The following SCHIP1 variants were observed in gnomAD, a reference collection of about 807,000 sequenced individuals.
The protein encoded by SCHIP1 is schwannomin-interacting protein 1.
In SCHIP1, 8 loss-of-function variants were observed where a neutral mutation model predicts 29.7. The ratio of observed to expected loss-of-function variants is 0.27; its 90% CI spans 0.16 to 0.49. The LOEUF (loss-of-function observed/expected upper bound fraction) is 0.49, where lower values mean the gene tolerates loss of function less well. Among genes scored for constraint, SCHIP1 ranks in the 20% least tolerant of loss-of-function variants. The pLI is 0.99. For missense variants in SCHIP1, 193 were observed against 294.6 expected, an observed-to-expected ratio of 0.66 and a Z score of 2.52; for synonymous variants, 76 against 94.9, an observed-to-expected ratio of 0.80 and a Z score of 1.16.
At chr3:159,865,349 A>G (rs758622736) in intron 1 of SCHIP1, among the ~76,000 whole-genome samples, 1 of 152,194 alleles carries the variant, frequency 6.6e-6, no homozygotes, top group Non-Finnish European at 1.5e-5. Flanking sequence ...TAAAGGGTTT[A>G]AAAGTTCAGC....
At chr3:159,364,064 T>C in the SCHIP1 span, among the ~76,000 whole-genome samples, 1 of 152,214 alleles carries the variant, frequency 6.6e-6, no homozygotes, top group South Asian at 2.1e-4. Flanking sequence ...GTTCCAATAA[T>C]GTAATAATAG....
At chr3:159,456,910 C>A in the SCHIP1 span, among the ~76,000 whole-genome samples, 1 of 152,082 alleles carries the variant, frequency 6.6e-6, no homozygotes. Context: ...TAGAAGCACA[C>A]AATATCAGGA....
the SCHIP1 span, among the ~76,000 whole-genome samples, chr3:159,539,654 C>A: frequency 8.8e-5 from 12 of 135,808 alleles, 3 homozygotes; most frequent in Non-Finnish European, 1.7e-5. Flanking sequence ...ACCACGTGAG[C>A]ATGACTCAGT....
chr3:159,764,808 G>C, the SCHIP1 span: 1 of 1,578,944 alleles, frequency 6.3e-7, no homozygotes, highest in South Asian at 1.2e-5. This position sits in a 1 kb window ranked among gnomAD's most constrained non-coding sequence, Gnocchi z 6.1. Flanking sequence ...CCACCGCCAT[G>C]CCGCCCCCGG....
the SCHIP1 span, among the ~76,000 whole-genome samples, chr3:159,279,780 G>C: frequency 6.6e-6 from 1 of 152,146 alleles, no homozygotes; most frequent in African/African-American, 2.4e-5. Flanking sequence ...TGACAGGAAG[G>C]CTAGAGAATC....
chr3:159,782,600 CCCA>C, the SCHIP1 span, among the ~76,000 whole-genome samples: 1,031 of 152,174 alleles, frequency 6.8e-3, 9 homozygotes, highest in African/African-American at 0.024. Flanking sequence ...CTTGAATGTT[CCCA>C]CCACCACTCT....
the SCHIP1 span, among the ~76,000 whole-genome samples, chr3:159,534,831 A>G: frequency 4.6e-5 from 7 of 152,194 alleles, no homozygotes; most frequent in African/African-American, 1.7e-4. Flanking sequence ...AATTTGGGAT[A>G]TGAAGAAAAT....
At chr3:159,628,543 A>G in the SCHIP1 span, among the ~76,000 whole-genome samples, 2 of 152,212 alleles carry the variant, frequency 1.3e-5, no homozygotes, top group Non-Finnish European at 2.9e-5. Context: ...AAAACAAGAT[A>G]TAGAATTTCA....
the SCHIP1 span, among the ~76,000 whole-genome samples, chr3:159,776,332 C>CTTTTTTTTTTTTTTTTT: frequency 7.4e-6 from 1 of 135,418 alleles, no homozygotes; most frequent in African/African-American, 2.9e-5. Context: ...AGTGTTCTGT[C>CTTTTTTTTTTTTTTTTT]TTTTTTTTTT....
chr3:159,559,764 CAG>C, the SCHIP1 span, among the ~76,000 whole-genome samples: 1 of 152,112 alleles, frequency 6.6e-6, no homozygotes, highest in Non-Finnish European at 1.5e-5. Context: ...CAATCTCTGC[CAG>C]AGTCATCAGC....
the SCHIP1 span, among the ~76,000 whole-genome samples, chr3:159,490,157 G>A: frequency 6.6e-6 from 1 of 152,140 alleles, no homozygotes; most frequent in Admixed American, 6.5e-5. Flanking sequence ...GTTTTTACAT[G>A]TATAGAATGT....
intron 2 of SCHIP1, among the ~76,000 whole-genome samples, chr3:159,870,371 T>A (rs1301911240): frequency 6.6e-6 from 1 of 152,012 alleles, no homozygotes; most frequent in Non-Finnish European, 1.5e-5. Flanking sequence ...CTTTAATGAT[T>A]CTCTTTATGA....
the SCHIP1 span, among the ~76,000 whole-genome samples, chr3:159,581,625 A>G: frequency 6.6e-6 from 1 of 152,202 alleles, no homozygotes; most frequent in Admixed American, 6.5e-5. Context: ...CCACCCCTCT[A>G]CAGAGAAGGG....
At chr3:159,527,669 A>G in the SCHIP1 span, among the ~76,000 whole-genome samples, 1 of 152,256 alleles carries the variant, frequency 6.6e-6, no homozygotes, top group Non-Finnish European at 1.5e-5. Context: ...TTGAGTTTAT[A>G]TATGGCCAAT....
the SCHIP1 span, among the ~76,000 whole-genome samples, chr3:159,684,919 AATGCAGCTGGATCCTGCTTAACCTG>A: frequency 1.3e-3 from 191 of 152,208 alleles, no homozygotes; most frequent in African/African-American, 4.5e-3. Context: ...TGTTCCTCGA[AATGCAGCTGGATCCTGCTTAACCTG>A]ATGCAGCTGG....
chr3:159,734,886 C>A, the SCHIP1 span, among the ~76,000 whole-genome samples: 1 of 147,772 alleles, frequency 6.8e-6, no homozygotes, highest in Admixed American at 7.0e-5. Flanking sequence ...TGTAGCTCAG[C>A]TTTAGGACTA....
At chr3:159,874,899 T>C (rs1476933060) in intron 2 of SCHIP1, among the ~76,000 whole-genome samples, 1 of 151,988 alleles carries the variant, frequency 6.6e-6, no homozygotes, top group Non-Finnish European at 1.5e-5. Context: ...CTCATACATA[T>C]ATACTAAAGA....
At chr3:159,491,966 C>T in the SCHIP1 span, among the ~76,000 whole-genome samples, 522 of 152,262 alleles carry the variant, frequency 3.4e-3, 7 homozygotes, top group African/African-American at 0.012. Flanking sequence ...CTGCAGTCAC[C>T]ACTGCTGAAA....
At chr3:159,289,062 C>G in the SCHIP1 span, among the ~76,000 whole-genome samples, 2,662 of 152,266 alleles carry the variant, frequency 0.017, 75 homozygotes, top group African/African-American at 0.062. Context: ...GTCTTGTTGA[C>G]TTTATCTTCA....
Sources: gnomAD v4.1 joint callset for allele counts (sites outside exome capture counted in the v4.1 genomes callset) on GRCh38, gnomAD v4.1.1 for gene constraint, Gnocchi (gnomAD v3.1) non-coding constraint, MANE v1.5 for transcripts, NCBI Gene and HGNC (gene_info 2026-07-23, HGNC 2026-07-21) for gene names.